The following CIMIP2A variants were observed in gnomAD, a reference collection of about 807,000 sequenced individuals.
CIMIP2A encodes the protein family with sequence similarity 166 member A.
At chr9:137,248,816 T>C in the CIMIP2A span, among the ~76,000 whole-genome samples, 1 of 152,094 alleles carries the variant, frequency 6.6e-6, no homozygotes. Flanking sequence ...TGTAGTGAGC[T>C]GAGATCGCAC....
At chr9:137,246,190 T>TACAGGC in the CIMIP2A span, among the ~76,000 whole-genome samples, 13 of 152,176 alleles carry the variant, frequency 8.5e-5, no homozygotes, top group African/African-American at 3.1e-4. Flanking sequence ...GCAAAGCAAG[T>TACAGGC]ACAGGCACAA....
chr9:137,254,741 G>A, the CIMIP2A span, among the ~76,000 whole-genome samples: 1 of 152,040 alleles, frequency 6.6e-6, no homozygotes, highest in African/African-American at 2.4e-5. Context: ...TGTGGAACCT[G>A]GACTCTCCTT....
chr9:137,244,726 G>A, the CIMIP2A span: 5 of 1,613,040 alleles, frequency 3.1e-6, no homozygotes, highest in African/African-American at 1.3e-5. Flanking sequence ...GGGGAATGAA[G>A]CCAGCATAGC....
chr9:137,251,420 G>A, the CIMIP2A span: 6 of 1,567,208 alleles, frequency 3.8e-6, no homozygotes, highest in Non-Finnish European at 5.3e-6. Context: ...AGGGGGAGAA[G>A]GGGCGGGCCA....
At chr9:137,243,636 T>C in the CIMIP2A span, 2 of 1,613,806 alleles carry the variant, frequency 1.2e-6, no homozygotes, top group Admixed American at 1.7e-5. Context: ...CCTGTCCCAC[T>C]GTGTGCACTT....
At chr9:137,251,424 C>T in the CIMIP2A span, 40 of 1,522,648 alleles carry the variant, frequency 2.6e-5, no homozygotes, top group African/African-American at 2.3e-4. Flanking sequence ...GGAGAAGGGG[C>T]GGGCCAGCTG....
chr9:137,253,293 G>C, the CIMIP2A span: 1 of 1,570,422 alleles, frequency 6.4e-7, no homozygotes, highest in South Asian at 1.2e-5. Flanking sequence ...GTGGAACCAT[G>C]GCCTCCCCCG....
the CIMIP2A span, among the ~76,000 whole-genome samples, chr9:137,251,586 C>T: frequency 9.8e-5 from 12 of 122,794 alleles, no homozygotes; most frequent in African/African-American, 3.2e-4. Context: ...CGGCTGGGAG[C>T]GGCCAGGGGC....
the CIMIP2A span, chr9:137,243,610 C>A: frequency 6.2e-7 from 1 of 1,613,344 alleles, no homozygotes; most frequent in Admixed American, 1.7e-5. Context: ...TTATTCACTC[C>A]CAGCCTGTCC....
chr9:137,246,001 T>C, the CIMIP2A span: 355 of 557,388 alleles, frequency 6.4e-4, 1 homozygote, highest in Middle Eastern at 3.4e-3. Context: ...TGCTCACCTG[T>C]AAATGGGGCT....
At chr9:137,247,796 C>T in the CIMIP2A span, 1 of 1,420,916 alleles carries the variant, frequency 7.0e-7, no homozygotes. Flanking sequence ...TGTCACCGGG[C>T]AACCATTGTG....
chr9:137,246,815 C>G, the CIMIP2A span, among the ~76,000 whole-genome samples: 5 of 152,114 alleles, frequency 3.3e-5, no homozygotes, highest in Non-Finnish European at 7.4e-5. Context: ...CCTGCCCCTT[C>G]CCCAGACGTA....
the CIMIP2A span, chr9:137,253,071 G>A: frequency 6.5e-7 from 1 of 1,541,160 alleles, no homozygotes; most frequent in South Asian, 1.2e-5. Context: ...GGTTTGAGTT[G>A]GGGCTGCTAC....
At chr9:137,245,067 C>T in the CIMIP2A span, 1 of 1,610,414 alleles carries the variant, frequency 6.2e-7, no homozygotes, top group Non-Finnish European at 8.5e-7. Context: ...CCTTCTCCAG[C>T]CCAGCCCAGG....
chr9:137,251,438 G>C, the CIMIP2A span: 1 of 1,462,268 alleles, frequency 6.8e-7, no homozygotes, highest in East Asian at 2.3e-5. Flanking sequence ...CCAGCTGGGA[G>C]TGGCCAGGGG....
chr9:137,251,805 A>G, the CIMIP2A span: 5 of 1,599,906 alleles, frequency 3.1e-6, no homozygotes, highest in South Asian at 5.6e-5. Context: ...ACAGCCCCCA[A>G]AGATGAAGGA....
chr9:137,253,610 T>G, the CIMIP2A span: 1 of 852,098 alleles, frequency 1.2e-6, no homozygotes, highest in Non-Finnish European at 1.6e-6. Context: ...GGTGCTCTCT[T>G]CTCTAGGGTG....
At chr9:137,244,448 G>A in the CIMIP2A span, 9 of 1,509,390 alleles carry the variant, frequency 6.0e-6, no homozygotes, top group East Asian at 7.2e-5. Flanking sequence ...CAAAACTTGA[G>A]TGCAGGGATC....
the CIMIP2A span, chr9:137,244,448 G>C: frequency 6.6e-7 from 1 of 1,509,390 alleles, no homozygotes; most frequent in Non-Finnish European, 8.9e-7. Flanking sequence ...CAAAACTTGA[G>C]TGCAGGGATC....
Sources: gnomAD v4.1 joint callset for allele counts (sites outside exome capture counted in the v4.1 genomes callset) on GRCh38, gnomAD v4.1.1 for gene constraint, MANE v1.5 for transcripts, NCBI Gene and HGNC (gene_info 2026-07-23, HGNC 2026-07-21) for gene names.